The following MB21D2 variants were observed in gnomAD, a reference collection of about 807,000 sequenced individuals.
MB21D2 encodes nucleotidyltransferase MB21D2.
MB21D2 carries 9 observed loss-of-function variants against 33.3 expected under a neutral mutation model. That is an observed-to-expected ratio of 0.27 (90% CI 0.16 to 0.47). The LOEUF (loss-of-function observed/expected upper bound fraction) is 0.47, where lower values mean the gene tolerates loss of function less well. MB21D2 is among the 20% of genes least tolerant of loss of function. The pLI is 0.99. For missense variants in MB21D2, 540 were observed against 624.6 expected (o/e 0.86, Z 1.44); for synonymous variants, 241 against 236.3 (o/e 1.02, Z -0.18).
rs1023695385 is a variant in MB21D2, at chr3:192,827,006, C to G, written c.212-27356G>C. On this transcript the variant is annotated intron_variant, in intron 1 of 1. Coordinates refer to ENST00000392452, the MANE Select transcript of MB21D2 (RefSeq NM_178496.4). ...TCCCAGGTTCACACCATTCTCCTGC[C>G]TCAGCCTCCCAAGTAGCTGAGACTA... 2.6e-5 allele frequency among the ~76,000 whole-genome samples: 4 copies of G among 152,148 alleles called. No homozygotes were observed. In the South Asian group the frequency reaches 8.3e-4, roughly 32 times the overall value.
chr3:192,834,973 C>A (rs1712401629), intron 1 of MB21D2, among the ~76,000 whole-genome samples: 1 of 151,144 alleles, frequency 6.6e-6, no homozygotes, highest in Non-Finnish European at 1.5e-5. Context: ...CCATGCCCAG[C>A]TAATTTTTGT....
At chr3:192,909,074 T>C (rs1322044892) in intron 1 of MB21D2, among the ~76,000 whole-genome samples, 1 of 151,440 alleles carries the variant, frequency 6.6e-6, no homozygotes, top group African/African-American at 2.4e-5. Context: ...GCCAACACAG[T>C]GAAACCCAGT....
chr3:192,797,835 G>C lies in MB21D2; in HGVS notation c.*551C>G, dbSNP rs1389366654. 6.5e-6 allele frequency: 1 copy of C among 152,736 alleles called. No homozygotes were observed. The highest frequency in any genetic ancestry group is 1.5e-5 in the Non-Finnish European group (1 of 68,172). The allele number at this position is 152,736 out of a possible 1,614,324, so 9.5% of individuals were successfully genotyped here. On this transcript the variant is annotated 3_prime_UTR_variant, in exon 2 of 2. Coordinates refer to ENST00000392452, the MANE Select transcript of MB21D2 (RefSeq NM_178496.4). ...AATTTGTAGTATTATCACTTTCAAA[G>C]TTTACATTGTTTGGTGGAAAAGGGG...
intron 1 of MB21D2, among the ~76,000 whole-genome samples, chr3:192,896,585 G>C (rs1428570986): frequency 6.6e-6 from 1 of 152,170 alleles, no homozygotes; most frequent in African/African-American, 2.4e-5. Context: ...AAGGACAAAA[G>C]CACTGGTATT....
At chr3:192,820,114 G>A (rs965092785) in intron 1 of MB21D2, among the ~76,000 whole-genome samples, 1 of 152,176 alleles carries the variant, frequency 6.6e-6, no homozygotes, top group African/African-American at 2.4e-5. Context: ...TTTCTGTGGG[G>A]AGAGAAAGGG....
At chr3:192,854,758 A>C (rs1013124446) in intron 1 of MB21D2, among the ~76,000 whole-genome samples, 29 of 152,326 alleles carry the variant, frequency 1.9e-4, no homozygotes, top group Middle Eastern at 3.4e-3. Flanking sequence ...ACCATTCCGA[A>C]AATCCTAAGG....
intron 1 of MB21D2, among the ~76,000 whole-genome samples, chr3:192,808,920 C>T (rs1011122799): frequency 6.6e-6 from 1 of 152,254 alleles, no homozygotes; most frequent in Non-Finnish European, 1.5e-5. Flanking sequence ...ACACACATAA[C>T]AGCAAAAGAA....
intron 1 of MB21D2, among the ~76,000 whole-genome samples, chr3:192,835,220 T>C (rs1308786462): frequency 6.8e-6 from 1 of 147,902 alleles, no homozygotes; most frequent in Admixed American, 6.7e-5. Context: ...TTTGGGAGGC[T>C]GAGGCGGGCA....
chr3:192,901,848 G>A (rs1400039991), intron 1 of MB21D2, among the ~76,000 whole-genome samples: 2 of 152,192 alleles, frequency 1.3e-5, no homozygotes, highest in East Asian at 3.8e-4. Context: ...CACAATGATA[G>A]ACTACATTAA....
chr3:192,805,467 T>A (rs1711642385), intron 1 of MB21D2, among the ~76,000 whole-genome samples: 2 of 152,378 alleles, frequency 1.3e-5, no homozygotes, highest in South Asian at 2.1e-4. Context: ...CATATAATTT[T>A]ATTTTTTTAG....
At chr3:192,917,561 A>G (rs1714496787) in intron 1 of MB21D2, 69 bp downstream of exon 1, 2 of 1,541,798 alleles carry the variant, frequency 1.3e-6, no homozygotes, top group Non-Finnish European at 8.9e-7. Flanking sequence ...AGAAGCGGCA[A>G]TGGGTTTTCT....
At chr3:192,862,614 T>TC (rs1713072408) in intron 1 of MB21D2, among the ~76,000 whole-genome samples, 1 of 152,156 alleles carries the variant, frequency 6.6e-6, no homozygotes, top group South Asian at 2.1e-4. Flanking sequence ...GTCCTACTCC[T>TC]CCTGCTCCTT....
At chr3:192,860,435 A>G (rs1023546762) in intron 1 of MB21D2, among the ~76,000 whole-genome samples, 45 of 152,350 alleles carry the variant, frequency 3.0e-4, no homozygotes, top group African/African-American at 9.9e-4. Context: ...CTGGGAAACA[A>G]GTATATTTCA....
At chr3:192,825,133 T>C (rs1406711903) in intron 1 of MB21D2, among the ~76,000 whole-genome samples, 3 of 152,220 alleles carry the variant, frequency 2.0e-5, no homozygotes, top group East Asian at 1.9e-4. Flanking sequence ...TCTGGTGATA[T>C]TCAGGCCACT....
At chr3:192,813,948 A>G (rs189453450) in intron 1 of MB21D2, among the ~76,000 whole-genome samples, 1 of 152,308 alleles carries the variant, frequency 6.6e-6, no homozygotes, top group African/African-American at 2.4e-5. Context: ...TTTGATGAAA[A>G]ATAACTTGTC....
rs1374824069 is a variant in MB21D2 at position 192,799,173 on chromosome 3, C to T, written c.689G>A (p.Arg230His). The T allele has an allele frequency of 6.2e-6, 10 of 1,614,078 alleles. No individual in the cohort carries two copies. The highest frequency in any genetic ancestry group is 2.7e-5 in the African/African-American group (2 of 74,926). The change falls in exon 2 of 2, where the codon CGC becomes CAC. Residue 230 changes from arginine to histidine, a missense_variant. By Grantham distance (29) the Arg-to-His change is conservative (BLOSUM62 0). Coordinates refer to ENST00000392452, the MANE Select transcript of MB21D2 (RefSeq NM_178496.4). This position sits in a 1 kb window ranked among gnomAD's most constrained non-coding sequence, Gnocchi z 4.1. Reference protein sequence around the residue: ...ISIILGVGSSRMLYDIVPVVS... With the variant: ...ISIILGVGSSHMLYDIVPVVS... ...CACAGGGACAATATCATACAACATG[C>T]GACTACTCCCTACACCCAGAATGAT...
chr3:192,831,121 A>C (rs1712305231), intron 1 of MB21D2, among the ~76,000 whole-genome samples: 1 of 152,176 alleles, frequency 6.6e-6, no homozygotes, highest in Non-Finnish European at 1.5e-5. Context: ...GCTAGGTCAT[A>C]AAGACACTGC....
In MB21D2 at chr3:192,831,684, G is replaced by T. The variant is rs570760609; in HGVS notation, c.212-32034C>A. On this transcript the variant is annotated intron_variant, in intron 1 of 1. Transcript: ENST00000392452. The stretch of plus-strand genomic sequence containing the variant: ...GAAAAATATTCAAATTCAGACAATC[G>T]ATTCTAAGGTGCCTACTATTATTAG... 2.0e-5 allele frequency among the ~76,000 whole-genome samples: 3 copies of T among 152,204 alleles called. No homozygotes were observed. In the East Asian group the frequency reaches 5.8e-4, roughly 29 times the overall value.
intron 1 of MB21D2, among the ~76,000 whole-genome samples, chr3:192,816,201 A>T (rs1711918916): frequency 7.0e-6 from 1 of 143,576 alleles, no homozygotes; most frequent in Non-Finnish European, 1.5e-5. Context: ...TGGCAAAAAG[A>T]CGAGAGGACA....
Sources: allele counts gnomAD v4.1 joint callset (sites outside exome capture counted in the v4.1 genomes callset), GRCh38; gene constraint gnomAD v4.1.1; non-coding constraint Gnocchi (gnomAD v3.1); transcripts MANE v1.5; gene names NCBI Gene and HGNC (gene_info 2026-07-23, HGNC 2026-07-21).